Variants in CEBPZ observed in about 807,000 individuals in gnomAD.
The protein encoded by CEBPZ is CCAAT/enhancer-binding protein zeta.
Under a neutral mutation model 104.5 loss-of-function variants are expected in CEBPZ, and 78 were observed. The ratio of observed to expected loss-of-function variants is 0.75; its 90% confidence interval spans 0.62 to 0.90. CEBPZ has a LOEUF of 0.90. Ranked by LOEUF, CEBPZ falls within the 40% of genes least tolerant of loss-of-function variation. CEBPZ has a pLI of 0.00. For synonymous variants in CEBPZ, 470 were observed against 427.0 expected (o/e 1.10, Z -1.24); for missense variants, 1,439 against 1,233.5 (o/e 1.17, Z -2.50).
At chr2:37,215,013 C>G in intron 8 of CEBPZ, 61 bp from the exon 9 acceptor site, 1 of 1,079,566 alleles carries the variant, frequency 9.3e-7, no homozygotes, top group Non-Finnish European at 1.4e-6. Flanking sequence ...GTTACTCAAG[C>G]TCTTAAGACA....
intron 1 of CEBPZ, among the ~76,000 whole-genome samples, chr2:37,230,880 C>G (rs752288106): frequency 1.1e-4 from 17 of 152,192 alleles, no homozygotes; most frequent in Non-Finnish European, 2.2e-4. Flanking sequence ...TCATTTAATA[C>G]TAACGCGCTC....
chr2:37,208,639 C>A (rs544538434), intron 13 of CEBPZ, among the ~76,000 whole-genome samples: 1 of 152,170 alleles, frequency 6.6e-6, no homozygotes, highest in East Asian at 1.9e-4. Context: ...AAGGGACGTA[C>A]CTTAAAAGTA....
At chr2:37,218,160 G>A (rs1055818152) in intron 5 of CEBPZ, among the ~76,000 whole-genome samples, 9 of 151,754 alleles carry the variant, frequency 5.9e-5, no homozygotes, top group African/African-American at 1.9e-4. Context: ...TCAGCTACTC[G>A]GGAGGCTGAG....
At chr2:37,230,707 C>T (rs1358440415) in intron 1 of CEBPZ, among the ~76,000 whole-genome samples, 2 of 152,172 alleles carry the variant, frequency 1.3e-5, no homozygotes, top group African/African-American at 4.8e-5. Flanking sequence ...CCTTAACTCA[C>T]TCTGCCTCTG....
At chr2:37,209,802 G>A (rs901913276) in intron 13 of CEBPZ, 1 of 152,144 alleles carries the variant, frequency 6.6e-6, no homozygotes, top group East Asian at 1.9e-4. Flanking sequence ...AAGCTAAAAA[G>A]CGTCTGCATA....
At chr2:37,218,268 A>T (rs894101695) in intron 5 of CEBPZ, among the ~76,000 whole-genome samples, 2 of 150,220 alleles carry the variant, frequency 1.3e-5, no homozygotes, top group Admixed American at 6.6e-5. Flanking sequence ...CTCTGCCTCA[A>T]AAAAAAAAAG....
At position 37,214,936 on chromosome 2, in the gene CEBPZ, G is replaced by A. The variant is rs1401526086; in HGVS notation, c.2397C>T (p.Phe799=). 2.5e-6 allele frequency: 4 copies of A among 1,607,792 alleles called. No individual in the cohort carries two copies. Among genetic ancestry groups the A allele is most frequent in the Non-Finnish European group, 2.6e-6 (3 of 1,174,770 alleles). Residue 799 remains phenylalanine, a synonymous_variant, in exon 9 of 16, where the codon TTC becomes TTT. Transcript: ENST00000234170. ...IRHLPVNSKE[F]LAKEESQIPV... ...GTATTTGGCTTTCTTCTTTTGCAAG[G>A]AACTCCTTACTGTTCACTACAAAAA...
intron 10 of CEBPZ, among the ~76,000 whole-genome samples, chr2:37,213,141 G>T (rs532260645): frequency 1.3e-5 from 2 of 152,046 alleles, no homozygotes; most frequent in Non-Finnish European, 2.9e-5. Context: ...TTTTGTTTAA[G>T]TCTATTAAGT....
At chr2:37,230,393 T>C (rs1246295699) in intron 1 of CEBPZ, among the ~76,000 whole-genome samples, 2 of 152,218 alleles carry the variant, frequency 1.3e-5, no homozygotes, top group Non-Finnish European at 2.9e-5. Context: ...GCAATGGTTA[T>C]GGCTGAGATA....
At chr2:37,223,002 CCTAGTAAACTGTACAGCTGGTACTAAAAT>C (rs1454022710) in intron 3 of CEBPZ, among the ~76,000 whole-genome samples, 139 bp downstream of exon 3, 3 of 152,152 alleles carry the variant, frequency 2.0e-5, no homozygotes, top group African/African-American at 7.2e-5. Flanking sequence ...AACATGCCCA[CCTAGTAAACTGTACAGCTGGTACTAAAAT>C]CTAGGTTTGT....
In CEBPZ at chr2:37,228,704, T is replaced by C; in HGVS notation, c.489A>G (p.Lys163=). 1 of 1,614,168 alleles carries C rather than the reference T, an allele frequency of 6.2e-7. No homozygotes were observed. The highest frequency in any genetic ancestry group is 8.5e-7 in the Non-Finnish European group (1 of 1,180,008). ...TCTCAAAAAATTCAAAGATGTTCTG[T>C]TTATCTTTCTTTACTTTCGGTGTGG... ...GSTTPKVKKD[K]QNIFEFFERQ... is the part of the protein sequence containing the mutation. Residue 163 remains lysine, a synonymous_variant, in exon 2 of 16, where the codon AAA becomes AAG. Coordinates refer to ENST00000234170, the MANE Select transcript of CEBPZ (RefSeq NM_005760.3).
intron 5 of CEBPZ, among the ~76,000 whole-genome samples, chr2:37,220,183 G>A (rs1371083860): frequency 6.6e-6 from 1 of 151,908 alleles, no homozygotes; most frequent in Non-Finnish European, 1.5e-5. Context: ...TGGGCGTGGT[G>A]GTGGGCGCCT....
At chr2:37,230,985 TC>T in intron 1 of CEBPZ, among the ~76,000 whole-genome samples, 1 of 152,312 alleles carries the variant, frequency 6.6e-6, no homozygotes, top group South Asian at 2.1e-4. Context: ...ACTGTTTCTC[TC>T]CCTTAATTAG....
In CEBPZ at chr2:37,201,818, A is replaced by C. The variant is rs1048564848; in HGVS notation, c.3111T>G (p.His1037Gln). Reference protein sequence around the residue: ...DAKSIIKKKKHFKKKRIKTTQ... With the variant: ...DAKSIIKKKKQFKKKRIKTTQ... ...TGGTTTTAATCCTCTTCTTTTTAAA[A>C]TGTTTCTTTTTCTTGATGATACTTT... Residue 1037 changes from histidine (H) to glutamine (Q), a missense_variant, in exon 16 of 16, where the codon CAT (histidine) becomes CAG (glutamine). His to Gln is a conservative substitution (Grantham distance 24). Coordinates refer to ENST00000234170, the MANE Select transcript of CEBPZ (RefSeq NM_005760.3). 1.3e-6 allele frequency: 2 copies of C among 1,594,846 alleles called. No individual in the cohort carries two copies. Among genetic ancestry groups the C allele is most frequent in the Non-Finnish European group, 1.7e-6 (2 of 1,162,388 alleles).
In CEBPZ at chr2:37,201,807, T is replaced by C. The variant is rs770601107; in HGVS notation, c.3122A>G (p.Lys1041Arg). 10 of 1,580,062 alleles carry C rather than the reference T, an allele frequency of 6.3e-6. No individual in the cohort carries two copies. Among genetic ancestry groups the C allele is most frequent in the East Asian group, 2.2e-5 (1 of 44,720 alleles). Residue 1041 changes from lysine (K) to arginine (R), a missense_variant, in exon 16 of 16, where the codon AAG becomes AGG. Lys to Arg is a conservative substitution (Grantham distance 26). Coordinates refer to ENST00000234170, the MANE Select transcript of CEBPZ (RefSeq NM_005760.3). ...AGTTTTTTGAGTGGTTTTAATCCTC[T>C]TCTTTTTAAAATGTTTCTTTTTCTT... is the stretch of plus-strand genomic sequence containing the variant. ...IIKKKKHFKK[K>R]RIKTTQKTKK...
intron 1 of CEBPZ, among the ~76,000 whole-genome samples, chr2:37,231,102 CCA>C (rs1236214418): frequency 6.6e-6 from 1 of 152,214 alleles, no homozygotes; most frequent in Admixed American, 6.5e-5. Context: ...AACACTCATA[CCA>C]CAAGGTCAGG....
intron 5 of CEBPZ, 46 bp from the exon 6 acceptor site, chr2:37,217,083 C>T: frequency 6.7e-7 from 1 of 1,487,948 alleles, no homozygotes; most frequent in East Asian, 2.3e-5. Context: ...AAGGTCGACT[C>T]TTAGTACATT....
In CEBPZ at chr2:37,228,947, A is replaced by C. The variant is rs756637356; in HGVS notation, c.246T>G (p.Gly82=). 2 of 1,610,846 alleles carry C rather than the reference A, an allele frequency of 1.2e-6. No individual in the cohort carries two copies. Among genetic ancestry groups the C allele is most frequent in the Non-Finnish European group, 1.7e-6 (2 of 1,178,956 alleles). The change falls in exon 2 of 16, where the codon GGT becomes GGG. Residue 82 remains glycine, a synonymous_variant. Transcript: ENST00000234170. ...KKGAIDDLQQ[G]ELEAFIQNLN... The stretch of plus-strand genomic sequence containing the variant: ...GATTTTGAATAAATGCTTCCAATTC[A>C]CCTTGCTGAAGGTCATCGATTGCTC...
At chr2:37,212,697 C>CT in intron 10 of CEBPZ, 1 of 375,146 alleles carries the variant, frequency 2.7e-6, no homozygotes. Context: ...CCTTTTTACT[C>CT]TATTAGAACT....
Sources: allele counts gnomAD v4.1 joint callset (sites outside exome capture counted in the v4.1 genomes callset), GRCh38; gene constraint gnomAD v4.1.1; transcripts MANE v1.5; gene names NCBI Gene and HGNC (gene_info 2026-07-23, HGNC 2026-07-21).